Variants in OPCML observed in about 807,000 individuals in gnomAD.
The protein encoded by OPCML is opioid binding protein/cell adhesion molecule like.
A neutral mutation model predicts 37.8 loss-of-function variants in OPCML; 13 were observed. That is an observed-to-expected ratio of 0.34 (90% CI 0.22 to 0.55). OPCML has a LOEUF of 0.55. Among genes scored for constraint, OPCML ranks in the 20% least tolerant of loss-of-function variants. OPCML has a pLI of 0.91. For missense variants in OPCML, 341 were observed against 435.6 expected, an observed-to-expected ratio of 0.78 and a Z score of 1.93; for synonymous variants, 176 against 168.8, an observed-to-expected ratio of 1.04 and a Z score of -0.33.
chr11:132,659,069 G>A (rs1055310887), intron 2 of OPCML, among the ~76,000 whole-genome samples: 18 of 152,090 alleles, frequency 1.2e-4, no homozygotes, highest in African/African-American at 3.9e-4. Context: ...TGATAATCTA[G>A]GTACCATCGA....
At chr11:133,027,490 T>TTG (rs72047458) in intron 1 of OPCML, among the ~76,000 whole-genome samples, 78 of 110,958 alleles carry the variant, frequency 7.0e-4, no homozygotes, top group Non-Finnish European at 1.3e-3. Flanking sequence ...TGTGTGTGTG[T>TTG]TGTGTGTGTG....
At chr11:133,019,000 C>T (rs187725524) in intron 1 of OPCML, among the ~76,000 whole-genome samples, 2 of 152,334 alleles carry the variant, frequency 1.3e-5, no homozygotes, top group South Asian at 4.1e-4. Context: ...CTGTGCTCAC[C>T]TACAATCCTC....
chr11:132,678,355 C>T (rs892721346), intron 2 of OPCML, among the ~76,000 whole-genome samples: 9 of 152,276 alleles, frequency 5.9e-5, no homozygotes, highest in Non-Finnish European at 8.8e-5. Flanking sequence ...CAAAATTAAA[C>T]GTACTCTTAC....
rs966321008 is a variant in OPCML at position 133,420,879 on chromosome 11, G to C, written c.61+111385C>G. The C allele has an allele frequency of 8.1e-6, 8 of 985,246 alleles. No homozygotes were observed. The African/African-American group carries it at 1.4e-4, about 17-fold the overall frequency. The allele number at this position is 985,246 out of a possible 1,614,324, so 61.0% of individuals were successfully genotyped here. A position where few individuals can be genotyped will look rare whatever the true frequency, so the allele number is the denominator to read the frequency against. ...TGGCAGTTACAAGTTCCATTTATATGAGCGTCTCATGAGCCTTCAAGGAAA... is the reference window on the plus strand; with the variant it reads ...TGGCAGTTACAAGTTCCATTTATATCAGCGTCTCATGAGCCTTCAAGGAAA... On this transcript the variant is annotated intron_variant, in intron 1 of 7. Coordinates refer to ENST00000524381, the MANE Select transcript of OPCML (RefSeq NM_001012393.5).
rs541447940 is a variant in OPCML, at chr11:132,618,771, A to G, written c.379+38316T>C. 2.2e-4 allele frequency among the ~76,000 whole-genome samples: 34 copies of G among 152,186 alleles called. No individual in the cohort carries two copies. The South Asian group carries it at 4.4e-3, about 20-fold the overall frequency. ...AATATTGTGCAAGCATCACCACTCT[A>G]TGTCTCCAGAACTTTCCCATCATTC... is the stretch of plus-strand genomic sequence containing the variant. On this transcript the variant is annotated intron_variant, in intron 3 of 7. Transcript: ENST00000524381.
intron 2 of OPCML, among the ~76,000 whole-genome samples, chr11:132,808,604 G>A (rs1050411096): frequency 6.6e-6 from 1 of 152,120 alleles, no homozygotes. Context: ...CACTTTCCTA[G>A]TTAGTGTAAA....
Position 132,529,195 on chromosome 11 carries a change from A to T in OPCML, c.380-9T>A. 1 of 1,606,066 alleles carries T rather than the reference A, an allele frequency of 6.2e-7. No individual in the cohort carries two copies. Among genetic ancestry groups the T allele is most frequent in the African/African-American group, 1.3e-5 (1 of 74,876 alleles). Reference sequence around the variant, plus strand: ...CATGATCTGAGGAGGAACTGTAAGGAAACAGGATAGAAGAAATACCTGAGA... The same window carrying T: ...CATGATCTGAGGAGGAACTGTAAGGTAACAGGATAGAAGAAATACCTGAGA... On this transcript the variant is annotated splice_polypyrimidine_tract_variant and intron_variant, in intron 3 of 7. Coordinates refer to ENST00000524381, the MANE Select transcript of OPCML (RefSeq NM_001012393.5).
At chr11:132,562,178 G>T (rs561716684) in intron 3 of OPCML, among the ~76,000 whole-genome samples, 3 of 152,208 alleles carry the variant, frequency 2.0e-5, no homozygotes, top group South Asian at 2.1e-4. Context: ...GGCAACACAG[G>T]TCCCGCCAAA....
At chr11:133,272,489 C>T (rs1212560860) in intron 1 of OPCML, among the ~76,000 whole-genome samples, 1 of 152,180 alleles carries the variant, frequency 6.6e-6, no homozygotes, top group Non-Finnish European at 1.5e-5. Context: ...AAACAGTATT[C>T]CCTGTCAGGG....
chr11:133,314,905 G>T lies in OPCML; in HGVS notation c.61+217359C>A, dbSNP rs551113258. On this transcript the variant is annotated intron_variant, in intron 1 of 7. Coordinates refer to ENST00000524381, the MANE Select transcript of OPCML (RefSeq NM_001012393.5). ...TCGTGCTGTAATCTTGGCAATCAGCGTAACAGATGAACATATCGTTTCATC... is the reference window on the plus strand; with the variant it reads ...TCGTGCTGTAATCTTGGCAATCAGCTTAACAGATGAACATATCGTTTCATC... Among the ~76,000 whole-genome samples the T allele has an allele frequency of 5.4e-4, 83 of 152,302 alleles. 2 individuals carry two copies. The highest frequency in any genetic ancestry group is 1.8e-3 in the African/African-American group (75 of 41,554).
intron 1 of OPCML, among the ~76,000 whole-genome samples, chr11:133,268,257 CAT>C (rs1005474210): frequency 2.0e-5 from 3 of 152,184 alleles, no homozygotes; most frequent in African/African-American, 7.2e-5. Flanking sequence ...TTGGATAAAA[CAT>C]GTGTCATCTC....
At chr11:132,926,352 C>T (rs936835817) in intron 2 of OPCML, among the ~76,000 whole-genome samples, 6 of 151,986 alleles carry the variant, frequency 3.9e-5, no homozygotes, top group East Asian at 1.9e-4. Flanking sequence ...GGCTGTGGTA[C>T]GCATCAAGAC....
intron 2 of OPCML, among the ~76,000 whole-genome samples, chr11:132,817,451 T>C (rs920575646): frequency 6.6e-6 from 1 of 152,168 alleles, no homozygotes; most frequent in African/African-American, 2.4e-5. Context: ...ACAGGTGTTT[T>C]CATGGCTTCT....
At chr11:133,499,842 A>G (rs1454123240) in intron 1 of OPCML, among the ~76,000 whole-genome samples, 6 of 137,970 alleles carry the variant, frequency 4.3e-5, no homozygotes, top group Admixed American at 7.3e-5. Context: ...ATGTGTATGT[A>G]TATATATATA....
intron 1 of OPCML, among the ~76,000 whole-genome samples, chr11:133,445,590 C>T (rs1381430150): frequency 6.6e-6 from 1 of 152,188 alleles, no homozygotes; most frequent in African/African-American, 2.4e-5. Flanking sequence ...CAACTAAGTT[C>T]TATCATCACT....
chr11:133,474,787 G>A (rs964204083), intron 1 of OPCML, among the ~76,000 whole-genome samples: 2 of 152,200 alleles, frequency 1.3e-5, no homozygotes, highest in South Asian at 2.1e-4. Context: ...GCAGGAAGTC[G>A]GGGTGAGAGA....
intron 2 of OPCML, among the ~76,000 whole-genome samples, chr11:132,717,190 T>C (rs117607169): frequency 6.6e-6 from 1 of 152,326 alleles, no homozygotes; most frequent in Non-Finnish European, 1.5e-5. Flanking sequence ...ACCACTTTGT[T>C]ATTGGATGCT....
chr11:133,519,602 T>G lies in OPCML; in HGVS notation c.61+12662A>C, dbSNP rs565434612. On this transcript the variant is annotated intron_variant, in intron 1 of 7. Coordinates refer to ENST00000524381, the MANE Select transcript of OPCML (RefSeq NM_001012393.5). ...AAAGCTATAATGCATCTTCCTTGATTTCTCCCATCTCCCCTATCTTCCTGA... is the reference window on the plus strand; with the variant it reads ...AAAGCTATAATGCATCTTCCTTGATGTCTCCCATCTCCCCTATCTTCCTGA... 2.0e-5 allele frequency among the ~76,000 whole-genome samples: 3 copies of G among 152,342 alleles called. No homozygotes were observed. The South Asian group carries it at 6.2e-4, about 32-fold the overall frequency.
chr11:132,803,885 T>C (rs769169388), intron 2 of OPCML, among the ~76,000 whole-genome samples: 2 of 152,234 alleles, frequency 1.3e-5, no homozygotes, highest in Non-Finnish European at 2.9e-5. Flanking sequence ...TTCAAAACAA[T>C]GCTTGGCATA....
Sources: gnomAD v4.1 joint callset for allele counts (sites outside exome capture counted in the v4.1 genomes callset) on GRCh38, gnomAD v4.1.1 for gene constraint, MANE v1.5 for transcripts, NCBI Gene and HGNC (gene_info 2026-07-23, HGNC 2026-07-21) for gene names.